Variants in KANK1 observed in about 807,000 individuals in gnomAD.
KANK1 encodes KN motif and ankyrin repeat domains 1, also known as KN motif and ankyrin repeat domain-containing protein 1.
A neutral mutation model predicts 106.2 loss-of-function variants in KANK1; 109 were observed. That is an observed-to-expected ratio of 1.03 (90% CI 0.88 to 1.20). The LOEUF (loss-of-function observed/expected upper bound fraction) is 1.20, where lower values mean the gene tolerates loss of function less well. Among genes scored for constraint, KANK1 ranks in the 50% most tolerant of loss-of-function variants. The pLI is 0.00. For synonymous variants in KANK1, 873 were observed against 652.2 expected (o/e 1.34, Z -5.16); for missense variants, 2,399 against 1,710.7 (o/e 1.40, Z -7.10).
rs529200767 is a variant in KANK1, at chr9:607,381, A to G, written c.-83-69509A>G. On this transcript the variant is annotated intron_variant, in intron 1 of 11. Coordinates refer to ENST00000382297, the MANE Select transcript of KANK1 (RefSeq NM_015158.5). ...ACACCTGTAGTCCCAGCTATTTGGG[A>G]CGGTGAGGCAGGAGAATCGCTTGAA... is the stretch of plus-strand genomic sequence containing the variant. Among the ~76,000 whole-genome samples, 57 of 143,888 alleles carry G rather than the reference A, an allele frequency of 4.0e-4. 1 individual carries two copies. Among genetic ancestry groups the G allele is most frequent in the African/African-American group, 1.4e-3 (55 of 38,518 alleles). 94.4% of individuals were successfully genotyped at this position (143,888 alleles called of 152,430 possible). A position where few individuals can be genotyped will look rare whatever the true frequency, so the allele number is the denominator to read the frequency against.
At chr9:687,553 T>A (rs1247942414) in intron 2 of KANK1, among the ~76,000 whole-genome samples, 1 of 152,162 alleles carries the variant, frequency 6.6e-6, no homozygotes, top group South Asian at 2.1e-4. Flanking sequence ...TCCAAAGAGT[T>A]GTGTAAGATA....
At chr9:640,253 T>C (rs1420072907) in intron 1 of KANK1, among the ~76,000 whole-genome samples, 4 of 152,140 alleles carry the variant, frequency 2.6e-5, no homozygotes, top group African/African-American at 9.7e-5. Flanking sequence ...TTTTATTTTA[T>C]ATTTCTGAGA....
chr9:718,298 C>CTTATTT (rs1828291342), intron 3 of KANK1, among the ~76,000 whole-genome samples: 1 of 74,088 alleles, frequency 1.3e-5, no homozygotes, highest in African/African-American at 5.4e-5. Flanking sequence ...CTTGCTGTGT[C>CTTATTT]TTTTTTTTTT....
chr9:630,954 C>T (rs375603402), intron 1 of KANK1, among the ~76,000 whole-genome samples: 1 of 151,470 alleles, frequency 6.6e-6, no homozygotes, highest in African/African-American at 2.4e-5. Context: ...GACTCTGTCT[C>T]AAAAAACAAA....
chr9:717,261 G>A (rs1827977474), intron 3 of KANK1, among the ~76,000 whole-genome samples: 1 of 152,044 alleles, frequency 6.6e-6, no homozygotes, highest in Admixed American at 6.5e-5. Flanking sequence ...TAGCCTGGGT[G>A]ACAGAGTGAG....
intron 1 of KANK1, among the ~76,000 whole-genome samples, chr9:585,439 C>G (rs1823222622): frequency 6.6e-6 from 1 of 152,146 alleles, no homozygotes; most frequent in African/African-American, 2.4e-5. Context: ...GGAACAAGCT[C>G]CTTGTATCAG....
At chr9:631,586 C>A (rs1835752286) in intron 1 of KANK1, among the ~76,000 whole-genome samples, 2 of 152,196 alleles carry the variant, frequency 1.3e-5, no homozygotes, top group Non-Finnish European at 2.9e-5. Context: ...TCGTTTTCCT[C>A]ATCTCAGCCA....
intron 2 of KANK1, among the ~76,000 whole-genome samples, chr9:695,915 A>C (rs892490592): frequency 1.3e-5 from 2 of 152,164 alleles, no homozygotes; most frequent in African/African-American, 4.8e-5. Context: ...TCATCAGTAG[A>C]TGCCTAGATG....
At chr9:595,747 C>G (rs1034120739) in intron 1 of KANK1, among the ~76,000 whole-genome samples, 5 of 151,700 alleles carry the variant, frequency 3.3e-5, no homozygotes, top group African/African-American at 9.8e-5. Context: ...GTCTCAAACT[C>G]CTGGACTCAG....
chr9:617,404 C>T (rs900770484), intron 1 of KANK1, among the ~76,000 whole-genome samples: 1 of 152,068 alleles, frequency 6.6e-6, no homozygotes, highest in African/African-American at 2.4e-5. Flanking sequence ...TGTTTTATTC[C>T]CTTATTTTCT....
intron 1 of KANK1, among the ~76,000 whole-genome samples, chr9:516,998 T>TATACACACACAC (rs1554607972): frequency 6.9e-6 from 1 of 145,478 alleles, no homozygotes; most frequent in Non-Finnish European, 1.5e-5. Context: ...CATCACCCTC[T>TATACACACACAC]ACACACACAC....
intron 1 of KANK1, among the ~76,000 whole-genome samples, chr9:519,694 G>A (rs112753046): frequency 0.01 from 1,523 of 151,724 alleles, 76 homozygotes; most frequent in African/African-American, 0.034. Flanking sequence ...TTATAACCTC[G>A]ATCCTTGTTT....
At chr9:548,045 A>G (rs1489565296) in intron 1 of KANK1, among the ~76,000 whole-genome samples, 1 of 152,138 alleles carries the variant, frequency 6.6e-6, no homozygotes, top group Non-Finnish European at 1.5e-5. Flanking sequence ...CATAACTATG[A>G]TAGCATATGG....
chr9:544,529 A>T (rs902582851), intron 1 of KANK1, among the ~76,000 whole-genome samples: 1 of 152,218 alleles, frequency 6.6e-6, no homozygotes, highest in Non-Finnish European at 1.5e-5. Flanking sequence ...CACTATGTGG[A>T]GGAATAAGTG....
chr9:627,174 C>T (rs1326406796), intron 1 of KANK1, among the ~76,000 whole-genome samples: 1 of 152,156 alleles, frequency 6.6e-6, no homozygotes, highest in Non-Finnish European at 1.5e-5. Flanking sequence ...GCCCTAGATC[C>T]TCCTGTCCTA....
At chr9:649,506 A>G (rs1840416639) in intron 1 of KANK1, among the ~76,000 whole-genome samples, 1 of 152,184 alleles carries the variant, frequency 6.6e-6, no homozygotes, top group Admixed American at 6.5e-5. Context: ...TGGTCCAGTA[A>G]TATCTTGGAA....
chr9:546,589 A>G (rs2060941938), intron 1 of KANK1, among the ~76,000 whole-genome samples: 1 of 151,972 alleles, frequency 6.6e-6, no homozygotes, highest in Admixed American at 6.6e-5. Context: ...TCTCTACCAT[A>G]GAACTCTTAC....
intron 1 of KANK1, among the ~76,000 whole-genome samples, chr9:601,916 G>A (rs554572145): frequency 2.6e-5 from 4 of 151,808 alleles, no homozygotes; most frequent in Non-Finnish European, 4.4e-5. Context: ...AGTACCAGAC[G>A]TGCACATTGC....
chr9:731,334 T>A (rs1288150444), intron 5 of KANK1, 68 bp downstream of exon 5: 1 of 905,146 alleles, frequency 1.1e-6, no homozygotes, highest in Non-Finnish European at 1.8e-6. Context: ...TAAGTCACAT[T>A]TCAAGGCGCC....
Sources: gnomAD v4.1 joint callset for allele counts (sites outside exome capture counted in the v4.1 genomes callset) on GRCh38, gnomAD v4.1.1 for gene constraint, MANE v1.5 for transcripts, NCBI Gene and HGNC (gene_info 2026-07-23, HGNC 2026-07-21) for gene names.